Variants in CDH19 observed in about 807,000 individuals in gnomAD.
CDH19 encodes cadherin 19, also known as cadherin-19.
A neutral mutation model predicts 64.2 loss-of-function variants in CDH19; 67 were observed. The observed-to-expected ratio is 1.04, with a 90% CI of 0.86 to 1.28. CDH19 has a LOEUF of 1.28. Among genes scored for constraint, CDH19 ranks in the 50% most tolerant of loss-of-function variants. The probability of loss-of-function intolerance (pLI) is 0.00; values close to 1 mark genes in which losing one functional copy is unlikely to be tolerated. For missense variants in CDH19, 1,030 were observed against 929.0 expected (o/e 1.11, Z -1.41); for synonymous variants, 346 against 319.3 (o/e 1.08, Z -0.89).
intron 4 of CDH19, among the ~76,000 whole-genome samples, chr18:66,554,147 T>C (rs1424271032): frequency 6.6e-6 from 1 of 151,988 alleles, no homozygotes; most frequent in African/African-American, 2.4e-5. Flanking sequence ...CTGGTCTCTT[T>C]TTCTAATTCA....
chr18:66,529,320 C>A (rs1328077244), intron 9 of CDH19, among the ~76,000 whole-genome samples: 1 of 149,032 alleles, frequency 6.7e-6, no homozygotes, highest in Non-Finnish European at 1.5e-5. Flanking sequence ...CCTTTACCTG[C>A]ATGATGAATA....
chr18:66,588,161 C>T (rs57707368), intron 1 of CDH19, among the ~76,000 whole-genome samples: 5 of 151,810 alleles, frequency 3.3e-5, no homozygotes, highest in South Asian at 2.1e-4. Context: ...GTGCACATCA[C>T]GCTGGTTGTT....
intron 1 of CDH19, among the ~76,000 whole-genome samples, chr18:66,585,711 T>C (rs1464606098): frequency 6.6e-6 from 1 of 152,122 alleles, no homozygotes; most frequent in Admixed American, 6.6e-5. Context: ...TATACACACA[T>C]AAAAAGCTTT....
intron 3 of CDH19, among the ~76,000 whole-genome samples, chr18:66,563,152 G>A (rs12454966): frequency 0.34 from 51,532 of 151,836 alleles, 9,567 homozygotes; most frequent in South Asian, 0.48. Flanking sequence ...TATTATGTAA[G>A]CAATAGAGAA....
chr18:66,514,567 A>C (rs2144358634), intron 9 of CDH19, among the ~76,000 whole-genome samples: 1 of 151,540 alleles, frequency 6.6e-6, no homozygotes, highest in Admixed American at 6.6e-5. Context: ...CATTAGGTAT[A>C]AATGTATGAA....
chr18:66,532,231 T>G (rs1379338423), intron 8 of CDH19: 1 of 151,868 alleles, frequency 6.6e-6, no homozygotes, highest in East Asian at 1.9e-4. Context: ...CCTCCTAAAG[T>G]GCTGGAATTA....
intron 2 of CDH19, among the ~76,000 whole-genome samples, chr18:66,570,860 T>C (rs1454473605): frequency 6.6e-6 from 1 of 151,620 alleles, no homozygotes; most frequent in Non-Finnish European, 1.5e-5. Flanking sequence ...TGCACTTCCC[T>C]ATAACACCTT....
At chr18:66,583,453 T>C (rs1409454437) in intron 1 of CDH19, among the ~76,000 whole-genome samples, 1 of 152,094 alleles carries the variant, frequency 6.6e-6, no homozygotes, top group Non-Finnish European at 1.5e-5. Context: ...CTACGCCTAG[T>C]ACCCAATAGT....
intron 3 of CDH19, among the ~76,000 whole-genome samples, chr18:66,561,041 T>TA (rs1351093433): frequency 7.9e-5 from 12 of 151,996 alleles, no homozygotes; most frequent in Non-Finnish European, 1.8e-4. Flanking sequence ...ATTTAATGAG[T>TA]TTCTTAGTTT....
intron 5 of CDH19, among the ~76,000 whole-genome samples, chr18:66,549,851 T>C (rs1162266214): frequency 6.6e-6 from 1 of 152,068 alleles, no homozygotes; most frequent in Non-Finnish European, 1.5e-5. Context: ...ATTCAGGGTT[T>C]AAAAGCAAAT....
chr18:66,570,287 A>AT (rs1477346786), intron 2 of CDH19, among the ~76,000 whole-genome samples: 1 of 151,684 alleles, frequency 6.6e-6, no homozygotes, highest in Non-Finnish European at 1.5e-5. Context: ...TAAGCTTGAC[A>AT]TTTTTAAGAC....
intron 5 of CDH19, 86 bp from the exon 6 acceptor site, chr18:66,544,989 GT>G: frequency 1.9e-6 from 2 of 1,044,974 alleles, no homozygotes; most frequent in Non-Finnish European, 2.7e-6. Flanking sequence ...TTGTTTGTTT[GT>G]TTTTTCGAGA....
chr18:66,553,874 G>T (rs1418084509), intron 4 of CDH19, among the ~76,000 whole-genome samples: 1 of 133,836 alleles, frequency 7.5e-6, no homozygotes, highest in Non-Finnish European at 1.5e-5. Context: ...ATCAAATATT[G>T]TATTCATGTA....
intron 1 of CDH19, among the ~76,000 whole-genome samples, chr18:66,576,372 A>G (rs1405197279): frequency 6.6e-6 from 1 of 151,494 alleles, no homozygotes; most frequent in Non-Finnish European, 1.5e-5. Flanking sequence ...AGTCAAAAGA[A>G]AGCTACAATG....
chr18:66,593,913 C>A (rs1342233336), intron 1 of CDH19, among the ~76,000 whole-genome samples: 1 of 151,980 alleles, frequency 6.6e-6, no homozygotes, highest in Non-Finnish European at 1.5e-5. Context: ...GGGATGATAG[C>A]AATGAGAGGT....
rs138140903 is a variant in CDH19 at position 66,586,429 on chromosome 18, G to A, written c.-112-14113C>T. On this transcript the variant is annotated intron_variant, in intron 1 of 11. Transcript: ENST00000262150. ...AGCAAGCAAATACTATAAAGCCTTC[G>A]TGTGAAACAAATAGGAACACATGGC... Among the ~76,000 whole-genome samples, 275 of 152,100 alleles carry A rather than the reference G, an allele frequency of 1.8e-3. 1 individual carries two copies. The highest frequency in any genetic ancestry group is 0.014 in the East Asian group (70 of 5,176).
At chr18:66,575,146 A>T (rs1988228655) in intron 1 of CDH19, among the ~76,000 whole-genome samples, 1 of 151,876 alleles carries the variant, frequency 6.6e-6, no homozygotes, top group South Asian at 2.1e-4. Flanking sequence ...AATTCAGAGG[A>T]TAAGCACAGA....
intron 3 of CDH19, 107 bp downstream of exon 3, chr18:66,568,309 G>T: frequency 1.3e-6 from 1 of 779,560 alleles, no homozygotes; most frequent in Non-Finnish European, 2.0e-6. Context: ...TTTGTAGAAG[G>T]AAGTTCTAGT....
At chr18:66,530,912 A>G (rs548120017) in intron 8 of CDH19, among the ~76,000 whole-genome samples, 15 of 152,214 alleles carry the variant, frequency 9.9e-5, no homozygotes, top group African/African-American at 3.6e-4. Flanking sequence ...GCCCTGGTTG[A>G]AATTGGGGGC....
Sources: allele counts gnomAD v4.1 joint callset (sites outside exome capture counted in the v4.1 genomes callset), GRCh38; gene constraint gnomAD v4.1.1; transcripts MANE v1.5; gene names NCBI Gene and HGNC (gene_info 2026-07-23, HGNC 2026-07-21).